Variants in GAS2L2 observed in about 807,000 individuals in gnomAD.
GAS2L2 encodes growth arrest specific 2 like 2.
GAS2L2 carries 21 observed loss-of-function variants against 35.2 expected under a neutral mutation model. The observed-to-expected ratio is 0.60, with a 90% CI of 0.42 to 0.86. The LOEUF is 0.86. Ranked by LOEUF, GAS2L2 falls within the 40% of genes least tolerant of loss-of-function variation. The probability of loss-of-function intolerance (pLI) is 0.00; values close to 1 mark genes in which losing one functional copy is unlikely to be tolerated. For synonymous variants in GAS2L2, 490 were observed against 473.2 expected, an observed-to-expected ratio of 1.04 and a Z score of -0.46; for missense variants, 1,169 against 1,144.4, an observed-to-expected ratio of 1.02 and a Z score of -0.31.
chr17:35,745,991 C>A lies in GAS2L2; in HGVS notation c.1506G>T (p.Lys502Asn). The A allele has an allele frequency of 6.3e-7, 1 of 1,590,344 alleles. No homozygotes were observed. The highest frequency in any genetic ancestry group is 8.6e-7 in the Non-Finnish European group (1 of 1,166,256). ...GAGCAGGGGGCAGCCGGATGGGGAT[C>A]TTGGTTAGGCCTTGGACAGGGGTTG... ...RSPTPVQGLT[K>N]IPIRLPPARP... Residue 502 changes from lysine (K) to asparagine (N), a missense_variant, in exon 6 of 6, where the codon AAG becomes AAT. By Grantham distance (94) the Lys-to-Asn change is moderately conservative. Coordinates refer to ENST00000604641, the MANE Select transcript of GAS2L2 (RefSeq NM_139285.4).
intron 1 of GAS2L2, among the ~76,000 whole-genome samples, chr17:35,752,039 C>T (rs1257070981): frequency 6.6e-5 from 10 of 151,784 alleles, no homozygotes; most frequent in Admixed American, 5.9e-4. Flanking sequence ...TATGTTAGGC[C>T]GGGCTGGTCT....
Position 35,747,890 on chromosome 17 carries a change from TG to T in GAS2L2, c.790del (p.His264IlefsTer22). ...GCAGGGGTCATGTTTGTCCAGGTAA[TG>T]GCCCAGTGTGTCCCAGCCGCCCCCT... ...RVGGGWDTLG[H>X]YLDKHDPCRC... On this transcript the variant is annotated frameshift_variant, in exon 4 of 6. Coordinates refer to ENST00000604641, the MANE Select transcript of GAS2L2 (RefSeq NM_139285.4). LOFTEE classifies it high-confidence loss of function. 1 of 1,613,896 alleles carries T rather than the reference TG, an allele frequency of 6.2e-7. No individual in the cohort carries two copies. The highest frequency in any genetic ancestry group is 8.5e-7 in the Non-Finnish European group (1 of 1,179,920).
chr17:35,745,920 C>T lies in GAS2L2; in HGVS notation c.1577G>A (p.Ser526Asn). Residue 526 changes from serine to asparagine, a missense_variant, in exon 6 of 6, where the codon AGT becomes AAT. Ser to Asn is a conservative substitution (Grantham distance 46). Coordinates refer to ENST00000604641, the MANE Select transcript of GAS2L2 (RefSeq NM_139285.4). Reference protein sequence around the residue: ...GRSFPGATSGSPRTELGRDPI... With the variant: ...GRSFPGATSGNPRTELGRDPI... Reference sequence around the variant, plus strand: ...GTCTCTCCCAAGTTCTGTCCTGGGACTTCCACTTGTAGCACCAGGAAAGCT... The same window carrying T: ...GTCTCTCCCAAGTTCTGTCCTGGGATTTCCACTTGTAGCACCAGGAAAGCT... 2 of 1,612,074 alleles carry T rather than the reference C, an allele frequency of 1.2e-6. No homozygotes were observed. The highest frequency in any genetic ancestry group is 1.7e-6 in the Non-Finnish European group (2 of 1,179,116).
Position 35,752,963 on chromosome 17 carries a change from G to A in GAS2L2, c.-113C>T. On this transcript the variant is annotated 5_prime_UTR_variant, in exon 1 of 6. Transcript: ENST00000604641. ...TTCTTCCTGATTCTGAGGTTCCCGT[G>A]TACTCGCTGAGAGCCCGGGACCTCC... 8.2e-7 allele frequency: 1 copy of A among 1,221,674 alleles called. No individual in the cohort carries two copies. The highest frequency in any genetic ancestry group is 1.1e-6 in the Non-Finnish European group (1 of 898,614). 75.7% of individuals were successfully genotyped at this position (1,221,674 alleles called of 1,614,324 possible). A position where few individuals can be genotyped will look rare whatever the true frequency, so the allele number is the denominator to read the frequency against.
chr17:35,748,755 C>T (rs587768818), intron 3 of GAS2L2, among the ~76,000 whole-genome samples: 1 of 152,306 alleles, frequency 6.6e-6, no homozygotes, highest in Admixed American at 6.5e-5. Flanking sequence ...TGTGATCACC[C>T]TTCTCCATAC....
At chr17:35,749,034 A>AG in intron 3 of GAS2L2, 76 bp downstream of exon 3, 2 of 858,934 alleles carry the variant, frequency 2.3e-6, no homozygotes, top group Non-Finnish European at 3.8e-6. Context: ...ATATTCTGGG[A>AG]GACTTAGTGT....
chr17:35,744,577 G>T lies in GAS2L2; in HGVS notation c.*277C>A. ...ATGGAAACAGGTGGGCATGGCCAGGGGCCAGAGGCCAGGAGTGTGGTGAGC... is the reference window on the plus strand; with the variant it reads ...ATGGAAACAGGTGGGCATGGCCAGGTGCCAGAGGCCAGGAGTGTGGTGAGC... On this transcript the variant is annotated 3_prime_UTR_variant, in exon 6 of 6. Transcript: ENST00000604641. The T allele has an allele frequency of 2.5e-6, 1 of 404,594 alleles. No homozygotes were observed. The highest frequency in any genetic ancestry group is 4.4e-6 in the Non-Finnish European group (1 of 225,354). The allele number at this position is 404,594 out of a possible 1,614,324, so 25.1% of individuals were successfully genotyped here. A position where few individuals can be genotyped will look rare whatever the true frequency, so the allele number is the denominator to read the frequency against.
rs1473304648 is a variant in GAS2L2 at position 35,744,852 on chromosome 17, C to T, written c.*2G>A. 1.9e-6 allele frequency: 3 copies of T among 1,572,818 alleles called. No individual in the cohort carries two copies. In the African/African-American group the frequency reaches 4.1e-5, roughly 21 times the overall value. On this transcript the variant is annotated 3_prime_UTR_variant, in exon 6 of 6. Coordinates refer to ENST00000604641, the MANE Select transcript of GAS2L2 (RefSeq NM_139285.4). ...CCCTCCTACCCAACACGCTCATGTG[C>T]CTCAGACCCAGGACTCCTCCTCAGG...
At chr17:35,751,523 C>T (rs1555599763) in intron 1 of GAS2L2, among the ~76,000 whole-genome samples, 2 of 151,958 alleles carry the variant, frequency 1.3e-5, no homozygotes, top group Admixed American at 1.3e-4. Flanking sequence ...CAAAAATTAG[C>T]CAGGCGTGGT....
At position 35,744,662 on chromosome 17, in the gene GAS2L2, A is replaced by G. The variant is rs1555598509; in HGVS notation, c.*192T>C. 1.7e-6 allele frequency: 1 copy of G among 591,308 alleles called. No individual in the cohort carries two copies. The highest frequency in any genetic ancestry group is 3.0e-6 in the Non-Finnish European group (1 of 333,488). The allele number at this position is 591,308 out of a possible 1,614,324, so 36.6% of individuals were successfully genotyped here. Reference sequence around the variant, plus strand: ...CCTACTGCCCCTGGCCTACCTCTGGAGTTGGAGTGAGAGCAGTGGGTTGCC... The same window carrying G: ...CCTACTGCCCCTGGCCTACCTCTGGGGTTGGAGTGAGAGCAGTGGGTTGCC... On this transcript the variant is annotated 3_prime_UTR_variant, in exon 6 of 6. Transcript: ENST00000604641.
At chr17:35,747,484 T>C (rs1405412430) in intron 4 of GAS2L2, among the ~76,000 whole-genome samples, 1 of 152,094 alleles carries the variant, frequency 6.6e-6, no homozygotes, top group East Asian at 1.9e-4. Flanking sequence ...GTACACAACT[T>C]TCCCTTAGAG....
rs1327402136 is a variant in GAS2L2 at position 35,744,564 on chromosome 17, G to T, written c.*290C>A. ...ACTTATGGGAGTTATGGAAACAGGT[G>T]GGCATGGCCAGGGGCCAGAGGCCAG... is the stretch of plus-strand genomic sequence containing the variant. On this transcript the variant is annotated 3_prime_UTR_variant, in exon 6 of 6. Coordinates refer to ENST00000604641, the MANE Select transcript of GAS2L2 (RefSeq NM_139285.4). 5 of 378,292 alleles carry T rather than the reference G, an allele frequency of 1.3e-5. No individual in the cohort carries two copies. Among genetic ancestry groups the T allele is most frequent in the African/African-American group, 9.9e-5 (5 of 50,446 alleles). The allele number at this position is 378,292 out of a possible 1,614,324, so 23.4% of individuals were successfully genotyped here. A position where few individuals can be genotyped will look rare whatever the true frequency, so the allele number is the denominator to read the frequency against.
At position 35,745,862 on chromosome 17, in the gene GAS2L2, C is replaced by T. The variant is rs782767693; in HGVS notation, c.1635G>A (p.Leu545=). The T allele has an allele frequency of 1.2e-6, 2 of 1,613,818 alleles. No homozygotes were observed. The highest frequency in any genetic ancestry group is 2.2e-5 in the East Asian group (1 of 44,882). ...AGCAGTCCCCATGCGTGGACCCAGCCAGGTCCACAGTGACGGCCCTTAGTG... is the reference window on the plus strand; with the variant it reads ...AGCAGTCCCCATGCGTGGACCCAGCTAGGTCCACAGTGACGGCCCTTAGTG... ...PIPLRAVTVD[L]AGSTHGDCSV... Residue 545 remains leucine, a synonymous_variant, in exon 6 of 6, where the codon CTG becomes CTA. Transcript: ENST00000604641.
intron 1 of GAS2L2, among the ~76,000 whole-genome samples, chr17:35,751,662 A>G (rs1357664469): frequency 7.0e-6 from 1 of 142,152 alleles, no homozygotes; most frequent in Admixed American, 7.1e-5. Context: ...ATCTAGACTC[A>G]GTTTCAAAAA....
intron 4 of GAS2L2, 91 bp downstream of exon 4, chr17:35,747,758 G>C: frequency 9.6e-7 from 1 of 1,041,514 alleles, no homozygotes; most frequent in Non-Finnish European, 1.5e-6. Flanking sequence ...CTGGAGATCA[G>C]ACATACCTCC....
chr17:35,752,413 A>G lies in GAS2L2; in HGVS notation c.385+53T>C, dbSNP rs587689199. The G allele has an allele frequency of 4.6e-6, 7 of 1,513,590 alleles. No homozygotes were observed. The African/African-American group carries it at 9.7e-5, about 21-fold the overall frequency. 93.8% of individuals were successfully genotyped at this position (1,513,590 alleles called of 1,614,324 possible). A position where few individuals can be genotyped will look rare whatever the true frequency, so the allele number is the denominator to read the frequency against. ...TAGCCTGTGCATTTGAGAAAGGACC[A>G]ATACCCCCCAAGATAAGCATCTGGA... On this transcript the variant is annotated intron_variant, in intron 1 of 5. Transcript: ENST00000604641.
rs782511543 is a variant in GAS2L2 at position 35,745,313 on chromosome 17, C to T, written c.2184G>A (p.Ser728=). The change falls in exon 6 of 6, where the codon TCG becomes TCA. Residue 728 remains serine (S), a synonymous_variant. Transcript: ENST00000604641. ...CCGGGCTGGCAGACACAGTAGAAGC[C>T]GAGCAGTCCTGCCCTCCCTGAGGTG... ...KVPPQGGQDC[S]ASTVSASPEA... 63 of 1,611,932 alleles carry T rather than the reference C, an allele frequency of 3.9e-5. 1 individual carries two copies. The East Asian group carries it at 4.7e-4, about 12-fold the overall frequency.
At position 35,752,867 on chromosome 17, in the gene GAS2L2, G is replaced by C. The variant is rs201972138; in HGVS notation, c.-17C>G. 2 of 1,571,302 alleles carry C rather than the reference G, an allele frequency of 1.3e-6. No individual in the cohort carries two copies. The highest frequency in any genetic ancestry group is 2.3e-5 in the South Asian group (2 of 88,516). Reference sequence around the variant, plus strand: ...CTGGGACATGGCTGGACCCCAGCAGGGCAGGAGGTGGGCACCTCCCCTCTC... The same window carrying C: ...CTGGGACATGGCTGGACCCCAGCAGCGCAGGAGGTGGGCACCTCCCCTCTC... On this transcript the variant is annotated 5_prime_UTR_variant, in exon 1 of 6. Coordinates refer to ENST00000604641, the MANE Select transcript of GAS2L2 (RefSeq NM_139285.4).
Position 35,750,144 on chromosome 17 carries a change from G to C in GAS2L2, c.560C>G (p.Pro187Arg). 1 of 1,607,320 alleles carries C rather than the reference G, an allele frequency of 6.2e-7. No homozygotes were observed. Among genetic ancestry groups the C allele is most frequent in the East Asian group, 2.2e-5 (1 of 44,748 alleles). ...EEVRRELALP[P>R]PDPSPPAPPR... ...GGGCGCTGGCGGCGAGGGGTCGGGCGGGGGCAGGGCCAGCTCCCGCCGCAC... is the reference window on the plus strand; with the variant it reads ...GGGCGCTGGCGGCGAGGGGTCGGGCCGGGGCAGGGCCAGCTCCCGCCGCAC... The change falls in exon 2 of 6, where the codon CCG (proline) becomes CGG (arginine). Residue 187 changes from proline to arginine, a missense_variant. Coordinates refer to ENST00000604641, the MANE Select transcript of GAS2L2 (RefSeq NM_139285.4).
Sources: allele counts gnomAD v4.1 joint callset (sites outside exome capture counted in the v4.1 genomes callset), GRCh38; gene constraint gnomAD v4.1.1; transcripts MANE v1.5; gene names NCBI Gene and HGNC (gene_info 2026-07-23, HGNC 2026-07-21).